Variants in C12orf54 observed in about 807,000 individuals in gnomAD.
C12orf54 encodes chromosome 12 open reading frame 54.
In C12orf54, 24 loss-of-function variants were observed where a neutral mutation model predicts 26.4. That is an observed-to-expected ratio of 0.91 (90% CI 0.66 to 1.28). The LOEUF is 1.28. Among genes scored for constraint, C12orf54 ranks in the 50% most tolerant of loss-of-function variants. The pLI, the probability that C12orf54 is intolerant of heterozygous loss-of-function variation, is 0.00. For missense variants in C12orf54, 154 were observed against 150.9 expected (o/e 1.02, Z -0.11); for synonymous variants, 54 against 47.0 (o/e 1.15, Z -0.61).
the C12orf54 span, among the ~76,000 whole-genome samples, chr12:48,446,052 C>T: frequency 6.6e-6 from 1 of 152,158 alleles, no homozygotes; most frequent in East Asian, 1.9e-4. Context: ...AGGGAAAATC[C>T]TGAAAGGACA....
At chr12:48,432,264 G>A in the C12orf54 span, among the ~76,000 whole-genome samples, 1 of 152,038 alleles carries the variant, frequency 6.6e-6, no homozygotes, top group Non-Finnish European at 1.5e-5. Flanking sequence ...CCTATTGTGT[G>A]ACAGACACTA....
intron 1 of C12orf54, 92 bp downstream of exon 1, chr12:48,482,668 A>G (rs371177559): frequency 1.3e-5 from 2 of 152,236 alleles, no homozygotes; most frequent in East Asian, 1.9e-4. Context: ...AAACTTCTCA[A>G]AGGAGGATTT....
chr12:48,489,494 T>C (rs976861249), intron 5 of C12orf54, among the ~76,000 whole-genome samples: 3 of 152,118 alleles, frequency 2.0e-5, no homozygotes, highest in African/African-American at 7.2e-5. Context: ...GATGTGATCT[T>C]GGCTCACTGC....
chr12:48,471,815 T>C, the C12orf54 span, among the ~76,000 whole-genome samples: 1 of 152,204 alleles, frequency 6.6e-6, no homozygotes, highest in African/African-American at 2.4e-5. Flanking sequence ...GGGGCTACTT[T>C]TGCTATTCAG....
chr12:48,474,516 A>C, the C12orf54 span, among the ~76,000 whole-genome samples: 3 of 152,194 alleles, frequency 2.0e-5, no homozygotes, highest in Admixed American at 2.0e-4. Flanking sequence ...GACAGATGGC[A>C]CCTGGAAAAT....
At chr12:48,495,054 G>A (rs780338188) in intron 8 of C12orf54, 75 bp downstream of exon 8, 192 of 1,158,518 alleles carry the variant, frequency 1.7e-4, no homozygotes, top group Non-Finnish European at 2.1e-4. Context: ...AGGCCTCTTA[G>A]GCCCTCATCC....
chr12:48,466,975 A>G, the C12orf54 span, among the ~76,000 whole-genome samples: 1 of 152,302 alleles, frequency 6.6e-6, no homozygotes, highest in Non-Finnish European at 1.5e-5. Flanking sequence ...TAGTATATGT[A>G]TATGTAGTGA....
chr12:48,479,714 G>C (rs1170307635), upstream of C12orf54, among the ~76,000 whole-genome samples: 1 of 151,430 alleles, frequency 6.6e-6, no homozygotes, highest in Non-Finnish European at 1.5e-5. Context: ...AGTTGCTTTT[G>C]TGTCCCTCTC....
the C12orf54 span, among the ~76,000 whole-genome samples, chr12:48,456,555 G>T: frequency 6.6e-5 from 10 of 152,140 alleles, no homozygotes; most frequent in Non-Finnish European, 2.9e-5. Flanking sequence ...GGTTAAATTT[G>T]AATCCCAACT....
the C12orf54 span, among the ~76,000 whole-genome samples, chr12:48,425,439 G>C: frequency 6.6e-6 from 1 of 152,126 alleles, no homozygotes; most frequent in Non-Finnish European, 1.5e-5. Flanking sequence ...GGCATTCTGT[G>C]GTGAAAATGT....
Position 48,492,966 on chromosome 12 carries a change from G to T in C12orf54, c.213G>T (p.Met71Ile), listed in dbSNP as rs1220979776. The change falls in exon 7 of 9, where the codon ATG becomes ATT. Residue 71 changes from methionine (M) to isoleucine (I), a missense_variant. Transcript: ENST00000548364. ...ARIRGMSNCS[M>I]TPMTSAPRTG... The stretch of plus-strand genomic sequence containing the variant: ...CTTTAGGGATGAGCAACTGCTCCAT[G>T]ACACCCATGACATCAGCACCCAGGA... 1 of 1,614,084 alleles carries T rather than the reference G, an allele frequency of 6.2e-7. No individual in the cohort carries two copies. Among genetic ancestry groups the T allele is most frequent in the Admixed American group, 1.7e-5 (1 of 60,026 alleles).
At chr12:48,421,271 A>C in the C12orf54 span, among the ~76,000 whole-genome samples, 1 of 152,156 alleles carries the variant, frequency 6.6e-6, no homozygotes, top group Non-Finnish European at 1.5e-5. Flanking sequence ...GCAGAAGGCA[A>C]CGTGGGAGCA....
At chr12:48,419,770 A>C in the C12orf54 span, among the ~76,000 whole-genome samples, 1 of 152,156 alleles carries the variant, frequency 6.6e-6, no homozygotes, top group Non-Finnish European at 1.5e-5. Flanking sequence ...CAGTGGAGAG[A>C]GCCTCGAGGT....
Position 48,486,193 on chromosome 12 carries a change from G to A in C12orf54, c.81G>A (p.Glu27=). The change falls in exon 3 of 9, where the codon GAG becomes GAA. Residue 27 remains glutamate (E), a synonymous_variant. Coordinates refer to ENST00000548364, the MANE Select transcript of C12orf54 (RefSeq NM_152319.4). ...SKQQRSTSIE[E]TMRPQEKQVT... ...TTCTTTGCAGCACATCCATAGAAGA[G>A]ACAATGAGACCACAGGTGGGTAAGG... 1.2e-6 allele frequency: 2 copies of A among 1,611,208 alleles called. No homozygotes were observed. The highest frequency in any genetic ancestry group is 1.7e-6 in the Non-Finnish European group (2 of 1,177,334).
the C12orf54 span, among the ~76,000 whole-genome samples, chr12:48,449,575 TAA>T: frequency 2.6e-5 from 4 of 152,172 alleles, no homozygotes; most frequent in Non-Finnish European, 5.9e-5. Flanking sequence ...TATATTTAAG[TAA>T]AAGTTTTCAC....
At chr12:48,436,277 C>A in the C12orf54 span, among the ~76,000 whole-genome samples, 12 of 152,284 alleles carry the variant, frequency 7.9e-5, no homozygotes, top group African/African-American at 2.9e-4. Flanking sequence ...GAGTGACCTA[C>A]AAACAGACTT....
the C12orf54 span, among the ~76,000 whole-genome samples, chr12:48,447,660 T>G: frequency 6.6e-6 from 1 of 152,206 alleles, no homozygotes; most frequent in African/African-American, 2.4e-5. Flanking sequence ...TGTAGCTTCT[T>G]CTGCTACCCG....
rs529102454 is a variant in C12orf54 at position 48,496,427 on chromosome 12, G to A, written c.*287G>A. On this transcript the variant is annotated 3_prime_UTR_variant, in exon 9 of 9. Transcript: ENST00000548364. ...CTTCCTGGGCTGTGGAATGGGTAGT[G>A]ATAGAATTTCCAAGTATGATAGTGC... The A allele has an allele frequency of 6.3e-4, 97 of 152,794 alleles. No homozygotes were observed. Among genetic ancestry groups the A allele is most frequent in the African/African-American group, 2.3e-3 (95 of 41,582 alleles). 9.5% of individuals were successfully genotyped at this position (152,794 alleles called of 1,614,324 possible). A position where few individuals can be genotyped will look rare whatever the true frequency, so the allele number is the denominator to read the frequency against.
the C12orf54 span, among the ~76,000 whole-genome samples, chr12:48,458,148 G>A: frequency 6.6e-6 from 1 of 152,216 alleles, no homozygotes; most frequent in African/African-American, 2.4e-5. Flanking sequence ...CAGAAAAGGA[G>A]GCAGACACCC....
Sources: allele counts gnomAD v4.1 joint callset (sites outside exome capture counted in the v4.1 genomes callset), GRCh38; gene constraint gnomAD v4.1.1; transcripts MANE v1.5; gene names NCBI Gene and HGNC (gene_info 2026-07-23, HGNC 2026-07-21).